The following UNC13C variants were observed in gnomAD, a reference collection of about 807,000 sequenced individuals.
The protein encoded by UNC13C is unc-13 homolog C.
Under a neutral mutation model 245.4 loss-of-function variants are expected in UNC13C, and 174 were observed. That is an observed-to-expected ratio of 0.71 (90% confidence interval 0.63 to 0.80). The LOEUF (loss-of-function observed/expected upper bound fraction) is 0.80. Among genes scored for constraint, UNC13C ranks in the 30% least tolerant of loss-of-function variants. The pLI is 0.00. For synonymous variants in UNC13C, 992 were observed against 895.1 expected (o/e 1.11, Z -1.93); for missense variants, 2,829 against 2,602.9 (o/e 1.09, Z -1.89).
At chr15:54,181,420 A>C (rs572793285) in intron 4 of UNC13C, among the ~76,000 whole-genome samples, 1 of 152,048 alleles carries the variant, frequency 6.6e-6, no homozygotes, top group Admixed American at 6.6e-5. Flanking sequence ...TATAGTTTGA[A>C]GGCAGGTAGT....
chr15:54,346,444 T>C (rs1164205059), intron 17 of UNC13C, among the ~76,000 whole-genome samples: 1 of 152,188 alleles, frequency 6.6e-6, no homozygotes. Flanking sequence ...TCTGTTTTCT[T>C]TGAATCTTCT....
chr15:54,125,698 G>T (rs1223599906), intron 2 of UNC13C, among the ~76,000 whole-genome samples: 1 of 152,078 alleles, frequency 6.6e-6, no homozygotes, highest in Non-Finnish European at 1.5e-5. Flanking sequence ...CTTAGTGTCA[G>T]ATTTTGCTTT....
intron 2 of UNC13C, among the ~76,000 whole-genome samples, chr15:54,081,787 T>A (rs1898956746): frequency 6.6e-6 from 1 of 152,156 alleles, no homozygotes; most frequent in Non-Finnish European, 1.5e-5. Flanking sequence ...AGCTACTTAC[T>A]TTCAAGGTTA....
intron 26 of UNC13C, 114 bp downstream of exon 26, chr15:54,533,180 G>C (rs1895838944): frequency 1.4e-6 from 1 of 700,132 alleles, no homozygotes; most frequent in South Asian, 2.3e-5. Context: ...TCTTTCTATA[G>C]AAATAAATGA....
chr15:53,874,453 A>G, the UNC13C span, among the ~76,000 whole-genome samples: 1 of 152,180 alleles, frequency 6.6e-6, no homozygotes, highest in Admixed American at 6.5e-5. Context: ...GTTTACCTCT[A>G]TGACATATCT....
At chr15:54,497,356 A>G (rs1272608280) in intron 20 of UNC13C, among the ~76,000 whole-genome samples, 1 of 152,142 alleles carries the variant, frequency 6.6e-6, no homozygotes, top group East Asian at 1.9e-4. Flanking sequence ...CTTGCAGAGC[A>G]AACAGCCAAC....
chr15:54,384,155 C>G (rs545699378), intron 17 of UNC13C, among the ~76,000 whole-genome samples: 1 of 152,050 alleles, frequency 6.6e-6, no homozygotes, highest in Non-Finnish European at 1.5e-5. Flanking sequence ...ATATAATACA[C>G]AATTCTAAAA....
intron 9 of UNC13C, 81 bp downstream of exon 9, chr15:54,264,476 T>C (rs545520801): frequency 2.8e-4 from 304 of 1,072,214 alleles, no homozygotes; most frequent in Non-Finnish European, 3.7e-4. Context: ...ATAATAATTA[T>C]AGGTAAAATA....
chr15:54,153,616 T>A (rs1487568720), intron 4 of UNC13C, among the ~76,000 whole-genome samples: 1 of 152,110 alleles, frequency 6.6e-6, no homozygotes, highest in Non-Finnish European at 1.5e-5. Flanking sequence ...TTTCTGGATC[T>A]GTTCTATTAA....
chr15:54,445,192 C>G (rs955235340), intron 19 of UNC13C, among the ~76,000 whole-genome samples: 2 of 152,094 alleles, frequency 1.3e-5, no homozygotes, highest in African/African-American at 4.8e-5. Context: ...ATATGTGCCA[C>G]ATTTTCTTAA....
At chr15:54,043,301 C>T (rs1896892614) in intron 2 of UNC13C, among the ~76,000 whole-genome samples, 1 of 152,212 alleles carries the variant, frequency 6.6e-6, no homozygotes, top group Admixed American at 6.5e-5. Flanking sequence ...GCAACATTTA[C>T]ACTGCAATTT....
At chr15:54,346,321 C>G (rs1175904603) in intron 17 of UNC13C, among the ~76,000 whole-genome samples, 1 of 152,192 alleles carries the variant, frequency 6.6e-6, no homozygotes, top group Non-Finnish European at 1.5e-5. Context: ...GGAACATAAT[C>G]TCTGATATTA....
chr15:53,968,880 C>T, the UNC13C span, among the ~76,000 whole-genome samples: 22 of 152,136 alleles, frequency 1.4e-4, no homozygotes, highest in African/African-American at 5.1e-4. Flanking sequence ...ATTTAATTGT[C>T]TTGTGCTCCT....
chr15:54,599,770 A>G (rs532198814), intron 30 of UNC13C, among the ~76,000 whole-genome samples: 1 of 152,166 alleles, frequency 6.6e-6, no homozygotes, highest in Admixed American at 6.5e-5. Flanking sequence ...TGTGAAGCCT[A>G]TTATGTTTCT....
At chr15:54,167,372 G>A (rs2033203438) in intron 4 of UNC13C, among the ~76,000 whole-genome samples, 1 of 150,924 alleles carries the variant, frequency 6.6e-6, no homozygotes, top group African/African-American at 2.4e-5. Flanking sequence ...CGTGATGGTG[G>A]GCGCCTGTAG....
chr15:53,901,396 A>ATT, the UNC13C span, among the ~76,000 whole-genome samples: 36 of 147,014 alleles, frequency 2.4e-4, no homozygotes, highest in East Asian at 4.0e-4. Context: ...TTTTTTTTGT[A>ATT]TTTTTTTTTT....
chr15:54,236,514 A>G, intron 6 of UNC13C, 79 bp downstream of exon 6: 1 of 1,105,142 alleles, frequency 9.0e-7, no homozygotes, highest in Non-Finnish European at 1.3e-6. Flanking sequence ...GGGGTAAAAG[A>G]GGGCAAGAAT....
At chr15:54,329,244 A>T (rs1318227188) in intron 14 of UNC13C, among the ~76,000 whole-genome samples, 1 of 151,940 alleles carries the variant, frequency 6.6e-6, no homozygotes, top group Admixed American at 6.6e-5. Context: ...TAACTGGAAT[A>T]TCGATCATCT....
the UNC13C span, among the ~76,000 whole-genome samples, chr15:53,929,333 T>C: frequency 2.6e-5 from 4 of 152,260 alleles, no homozygotes; most frequent in Non-Finnish European, 5.9e-5. Context: ...CCAGATGAGA[T>C]TTGGGTGGGG....
Sources: allele counts gnomAD v4.1 joint callset (sites outside exome capture counted in the v4.1 genomes callset), GRCh38; gene constraint gnomAD v4.1.1; transcripts MANE v1.5; gene names NCBI Gene and HGNC (gene_info 2026-07-23, HGNC 2026-07-21).